The following TBCD variants were observed in gnomAD, a reference collection of about 807,000 sequenced individuals.
TBCD encodes tubulin-specific chaperone D.
A neutral mutation model predicts 169.3 loss-of-function variants in TBCD; 105 were observed. The ratio of observed to expected loss-of-function variants is 0.62; its 90% CI spans 0.53 to 0.73. The LOEUF is 0.73. Ranked by LOEUF, TBCD falls within the 30% of genes least tolerant of loss-of-function variation. The pLI, the probability that TBCD is intolerant of heterozygous loss-of-function variation, is 0.00. For missense variants in TBCD, 1,444 were observed against 1,600.1 expected (o/e 0.90, Z 1.66); for synonymous variants, 700 against 643.9 (o/e 1.09, Z -1.32).
At chr17:82,904,801 C>T (rs995868457) in intron 19 of TBCD, among the ~76,000 whole-genome samples, 5 of 152,278 alleles carry the variant, frequency 3.3e-5, no homozygotes, top group Admixed American at 6.5e-5. Flanking sequence ...GAGGCATCCA[C>T]GTCACGGGTT....
chr17:82,814,704 T>A, intron 12 of TBCD, 136 bp from the exon 13 acceptor site: 1 of 786,954 alleles, frequency 1.3e-6, no homozygotes. Context: ...AACTTAGGAA[T>A]GGGTTTTAGT....
chr17:82,898,495 G>A (rs148351620), intron 17 of TBCD, among the ~76,000 whole-genome samples: 2 of 152,356 alleles, frequency 1.3e-5, no homozygotes, highest in Non-Finnish European at 2.9e-5. Flanking sequence ...GCTGAACACC[G>A]CTTCAAGTGG....
intron 13 of TBCD, 102 bp from the exon 14 acceptor site, chr17:82,870,122 G>A: frequency 6.6e-7 from 1 of 1,519,378 alleles, no homozygotes; most frequent in East Asian, 2.3e-5. Context: ...TCACTCATCT[G>A]GCACCGTGAC....
intron 36 of TBCD, among the ~76,000 whole-genome samples, chr17:82,938,685 C>A (rs1321700372): frequency 2.6e-5 from 4 of 152,180 alleles, no homozygotes; most frequent in Non-Finnish European, 4.4e-5. Flanking sequence ...CAGGGTGGGC[C>A]CGGGGCTCAG....
At chr17:82,779,822 G>T (rs959996899) in intron 6 of TBCD, among the ~76,000 whole-genome samples, 1 of 152,170 alleles carries the variant, frequency 6.6e-6, no homozygotes, top group African/African-American at 2.4e-5. Context: ...CAGCTTCCAC[G>T]TCTCACCTTG....
intron 13 of TBCD, among the ~76,000 whole-genome samples, chr17:82,862,641 C>G (rs190717576): frequency 3.3e-4 from 50 of 152,154 alleles, no homozygotes; most frequent in African/African-American, 1.1e-3. Context: ...ATTTTTCGAT[C>G]TGAGGGTTAT....
intron 13 of TBCD, 151 bp from the exon 14 acceptor site, chr17:82,870,073 C>A: frequency 1.0e-6 from 1 of 981,994 alleles, no homozygotes; most frequent in Non-Finnish European, 1.5e-6. Flanking sequence ...CTAACAGGAG[C>A]CCCGAACCTC....
chr17:82,799,470 A>C (rs947017184), intron 8 of TBCD, among the ~76,000 whole-genome samples: 2 of 149,258 alleles, frequency 1.3e-5, no homozygotes, highest in Non-Finnish European at 3.0e-5. Flanking sequence ...AAAAGAAACT[A>C]TCCGAATATC....
intron 34 of TBCD, among the ~76,000 whole-genome samples, chr17:82,934,838 C>A (rs1485040967): frequency 6.6e-6 from 1 of 152,126 alleles, no homozygotes; most frequent in Non-Finnish European, 1.5e-5. Context: ...ATGGCTCACG[C>A]CTGTAATCCC....
In TBCD at chr17:82,806,495, C is replaced by T. The variant is rs1394693744; in HGVS notation, c.1087+484C>T. On this transcript the variant is annotated intron_variant, in intron 10 of 38. Coordinates refer to ENST00000355528, the MANE Select transcript of TBCD (RefSeq NM_005993.5). The surrounding 1 kb of genome is among the most constrained non-coding windows in gnomAD (Gnocchi z 5.1). The stretch of plus-strand genomic sequence containing the variant: ...TGCTGCACAGAGACAGAGCCATCAG[C>T]GGAGCCCCTCATGGCGGCCATCCTG... Among the ~76,000 whole-genome samples, 2 of 152,216 alleles carry T rather than the reference C, an allele frequency of 1.3e-5. No individual in the cohort carries two copies. The highest frequency in any genetic ancestry group is 1.9e-4 in the East Asian group (1 of 5,168).
At position 82,789,791 on chromosome 17, in the gene TBCD, C is replaced by T. The variant is rs898244404; in HGVS notation, c.772-7966C>T. 1.1e-4 allele frequency among the ~76,000 whole-genome samples: 17 copies of T among 152,360 alleles called. No individual in the cohort carries two copies. The East Asian group carries it at 3.3e-3, about 29-fold the overall frequency. Reference sequence around the variant, plus strand: ...GTTCTCGAGCCCTCCTTCTGTGGACCCGTTGGGTACACGTGTGACACTTCA... The same window carrying T: ...GTTCTCGAGCCCTCCTTCTGTGGACTCGTTGGGTACACGTGTGACACTTCA... On this transcript the variant is annotated intron_variant, in intron 7 of 38. Transcript: ENST00000355528. The surrounding 1 kb of genome is among the most constrained non-coding windows in gnomAD (Gnocchi z 4.8).
At chr17:82,836,588 C>A (rs2053995911) in intron 13 of TBCD, among the ~76,000 whole-genome samples, 2 of 151,554 alleles carry the variant, frequency 1.3e-5, no homozygotes, top group African/African-American at 4.8e-5. Context: ...GCGCCTGAAA[C>A]ACAAGCGCTC....
chr17:82,802,020 G>T (rs542293496), intron 9 of TBCD, among the ~76,000 whole-genome samples: 1 of 151,638 alleles, frequency 6.6e-6, no homozygotes, highest in Non-Finnish European at 1.5e-5. Context: ...TGTGTGCGTC[G>T]TGTTGCTCAG....
Position 82,915,379 on chromosome 17 carries a change from G to A in TBCD, c.2038+3590G>A, listed in dbSNP as rs1204874823. On this transcript the variant is annotated intron_variant, in intron 23 of 38. Transcript: ENST00000355528. The surrounding 1 kb of genome is among the most constrained non-coding windows in gnomAD (Gnocchi z 4.3). ...TATCAAAGAAATGTCATACAGGTTG[G>A]CCTTTGTCGTGAATATTCACGAGAG... Among the ~76,000 whole-genome samples the A allele has an allele frequency of 6.6e-6, 1 of 152,178 alleles. No homozygotes were observed. Among genetic ancestry groups the A allele is most frequent in the Non-Finnish European group, 1.5e-5 (1 of 68,038 alleles).
chr17:82,798,714 C>CT (rs1213164115), intron 8 of TBCD, among the ~76,000 whole-genome samples: 3 of 151,854 alleles, frequency 2.0e-5, no homozygotes, highest in Non-Finnish European at 4.4e-5. Flanking sequence ...CCTCTGATAG[C>CT]CACAGCCACC....
At position 82,874,423 on chromosome 17, in the gene TBCD, C is replaced by T. The variant is rs922439029; in HGVS notation, c.1475+4043C>T. Among the ~76,000 whole-genome samples, 1 of 152,160 alleles carries T rather than the reference C, an allele frequency of 6.6e-6. No individual in the cohort carries two copies. The highest frequency in any genetic ancestry group is 2.4e-5 in the African/African-American group (1 of 41,436). On this transcript the variant is annotated intron_variant, in intron 14 of 38. Transcript: ENST00000355528. This position sits in a 1 kb window ranked among gnomAD's most constrained non-coding sequence, Gnocchi z 5.0. ...TTTGGAGGTCCTGGGTGCGTCTCCA[C>T]CATGGCTCCCGGGTTCCCTTGCGCA...
At chr17:82,790,691 A>C (rs1043990499) in intron 7 of TBCD, among the ~76,000 whole-genome samples, 4 of 152,158 alleles carry the variant, frequency 2.6e-5, no homozygotes, top group Non-Finnish European at 4.4e-5. Flanking sequence ...TGGCATCAGC[A>C]CAGCCTTGTC....
intron 14 of TBCD, among the ~76,000 whole-genome samples, chr17:82,878,717 AC>A (rs2146138333): frequency 6.6e-6 from 1 of 152,312 alleles, no homozygotes; most frequent in South Asian, 2.1e-4. Flanking sequence ...AGGTTATGCA[AC>A]ATCCTGCTGT....
intron 12 of TBCD, 102 bp from the exon 13 acceptor site, chr17:82,814,738 C>A: frequency 9.0e-7 from 1 of 1,110,148 alleles, no homozygotes; most frequent in Non-Finnish European, 1.3e-6. Flanking sequence ...GCCTTACAGG[C>A]AGAGGATATG....
Sources: gnomAD v4.1 joint callset for allele counts (sites outside exome capture counted in the v4.1 genomes callset) on GRCh38, gnomAD v4.1.1 for gene constraint, Gnocchi (gnomAD v3.1) non-coding constraint, MANE v1.5 for transcripts, NCBI Gene and HGNC (gene_info 2026-07-23, HGNC 2026-07-21) for gene names.